REEP3: variants seen among roughly 807,000 people sequenced by gnomAD.
REEP3 encodes receptor expression-enhancing protein 3.
REEP3 carries 20 observed loss-of-function variants against 41.3 expected under a neutral mutation model. That is an observed-to-expected ratio of 0.48 (90% CI 0.34 to 0.70). REEP3 has a LOEUF of 0.70. REEP3 is among the 30% of genes least tolerant of loss of function. The probability of loss-of-function intolerance (pLI) is 0.01; values close to 1 mark genes in which losing one functional copy is unlikely to be tolerated. For synonymous variants in REEP3, 104 were observed against 101.8 expected (o/e 1.02, Z -0.13); for missense variants, 271 against 308.8 (o/e 0.88, Z 0.92).
At chr10:63,582,518 GT>G (rs1955964123) in intron 2 of REEP3, among the ~76,000 whole-genome samples, 1 of 152,198 alleles carries the variant, frequency 6.6e-6, no homozygotes, top group African/African-American at 2.4e-5. Flanking sequence ...ATATGTTGAT[GT>G]AAACGAATAG....
intron 1 of REEP3, among the ~76,000 whole-genome samples, chr10:63,557,962 G>A (rs1955704890): frequency 6.6e-6 from 1 of 152,152 alleles, no homozygotes; most frequent in African/African-American, 2.4e-5. Context: ...CTCAAAGAAA[G>A]CTAAGCATTG....
At chr10:63,583,360 A>C (rs1344689964) in intron 2 of REEP3, among the ~76,000 whole-genome samples, 2 of 152,156 alleles carry the variant, frequency 1.3e-5, no homozygotes, top group Non-Finnish European at 2.9e-5. Flanking sequence ...TATAAGGGCC[A>C]GTTCTTGACA....
chr10:63,550,811 A>G (rs1955622399), intron 1 of REEP3, among the ~76,000 whole-genome samples: 1 of 152,224 alleles, frequency 6.6e-6, no homozygotes, highest in South Asian at 2.1e-4. Context: ...TCAAAAGAAA[A>G]TAAATAAGCT....
chr10:63,553,874 G>A (rs564280719), intron 1 of REEP3, among the ~76,000 whole-genome samples: 7 of 152,046 alleles, frequency 4.6e-5, no homozygotes, highest in South Asian at 4.1e-4. Context: ...AGGCCGAGGC[G>A]GTTGGATCAC....
intron 1 of REEP3, among the ~76,000 whole-genome samples, chr10:63,564,063 T>A (rs910034500): frequency 1.3e-5 from 2 of 152,126 alleles, no homozygotes; most frequent in African/African-American, 4.8e-5. Context: ...GAAACCTAAA[T>A]AAAGTATAAA....
Position 63,566,367 on chromosome 10 carries a change from A to C in REEP3, c.62A>C (p.Tyr21Ser), listed in dbSNP as rs1039192013. The C allele has an allele frequency of 3.9e-6, 6 of 1,553,726 alleles. No homozygotes were observed. Among genetic ancestry groups the C allele is most frequent in the Non-Finnish European group, 5.2e-6 (6 of 1,145,632 alleles). The stretch of plus-strand genomic sequence containing the variant: ...GTGTTTGGAATGCTTTATCCTGCAT[A>C]TTATTCATACAAAGCTGTGAAAACA... ...VLVFGMLYPA[Y>S]YSYKAVKTKN... The change falls in exon 2 of 8, where the codon TAT (tyrosine) becomes TCT (serine). Residue 21 changes from tyrosine (Y) to serine (S), a missense_variant. Tyr to Ser is a moderately radical substitution (Grantham distance 144, BLOSUM62 -2). Coordinates refer to ENST00000373758, the MANE Select transcript of REEP3 (RefSeq NM_001001330.3).
At chr10:63,550,488 G>A (rs1955618151) in intron 1 of REEP3, among the ~76,000 whole-genome samples, 2 of 152,158 alleles carry the variant, frequency 1.3e-5, no homozygotes, top group South Asian at 4.1e-4. Context: ...TTACAGCTCA[G>A]TTCTTAAGGT....
intron 3 of REEP3, among the ~76,000 whole-genome samples, chr10:63,597,047 TC>T (rs2133408978): frequency 6.6e-6 from 1 of 152,224 alleles, no homozygotes; most frequent in South Asian, 2.1e-4. Flanking sequence ...CGAAGGGTGT[TC>T]TAAAGCTTCT....
intron 2 of REEP3, among the ~76,000 whole-genome samples, chr10:63,589,578 T>A (rs1352992876): frequency 6.6e-6 from 1 of 152,064 alleles, no homozygotes; most frequent in Non-Finnish European, 1.5e-5. Context: ...CCAGGAAGCC[T>A]TTTCCTCCCC....
chr10:63,583,042 G>C (rs969519090), intron 2 of REEP3, among the ~76,000 whole-genome samples: 7 of 152,096 alleles, frequency 4.6e-5, no homozygotes, highest in Admixed American at 1.3e-4. Flanking sequence ...CTGGAGTGCA[G>C]TGGCACGATC....
At chr10:63,575,756 G>T (rs868047312) in intron 2 of REEP3, among the ~76,000 whole-genome samples, 1 of 151,808 alleles carries the variant, frequency 6.6e-6, no homozygotes, top group South Asian at 2.1e-4. Context: ...TTTTTGAGGC[G>T]GTGTTTTGCT....
intron 1 of REEP3, among the ~76,000 whole-genome samples, chr10:63,528,904 T>A (rs1310639770): frequency 6.6e-6 from 1 of 152,260 alleles, no homozygotes; most frequent in East Asian, 1.9e-4. Flanking sequence ...CGCTCCGTTG[T>A]CTGTAGTATT....
intron 6 of REEP3, among the ~76,000 whole-genome samples, chr10:63,618,636 C>G (rs1161161770): frequency 6.6e-6 from 1 of 152,216 alleles, no homozygotes; most frequent in African/African-American, 2.4e-5. Context: ...CTTGCTGTCT[C>G]CAGCATCCTC....
At chr10:63,620,543 C>T (rs898088029) in intron 7 of REEP3, among the ~76,000 whole-genome samples, 4 of 152,126 alleles carry the variant, frequency 2.6e-5, no homozygotes, top group Admixed American at 2.0e-4. Flanking sequence ...TCATTATAAT[C>T]AATGTTCATT....
chr10:63,612,421 C>G (rs1248260821), intron 6 of REEP3, among the ~76,000 whole-genome samples: 2 of 152,092 alleles, frequency 1.3e-5, no homozygotes, highest in Non-Finnish European at 2.9e-5. Context: ...GTCTGTGTGT[C>G]TTGGCCTCCC....
At chr10:63,616,023 AC>A (rs752098661) in intron 6 of REEP3, among the ~76,000 whole-genome samples, 1 of 152,178 alleles carries the variant, frequency 6.6e-6, no homozygotes, top group Non-Finnish European at 1.5e-5. Flanking sequence ...AGAATATTTT[AC>A]AAAACCCAAC....
chr10:63,562,740 C>A, intron 1 of REEP3: 1 of 411,376 alleles, frequency 2.4e-6, no homozygotes. Flanking sequence ...TATAAATGAA[C>A]TAAAAATATG....
At chr10:63,609,782 T>C (rs1004308704) in intron 5 of REEP3, among the ~76,000 whole-genome samples, 1 of 151,772 alleles carries the variant, frequency 6.6e-6, no homozygotes, top group Non-Finnish European at 1.5e-5. Flanking sequence ...TAAATAAATA[T>C]AAATAAATAA....
chr10:63,564,203 C>A (rs552629698), intron 1 of REEP3, among the ~76,000 whole-genome samples: 5 of 152,254 alleles, frequency 3.3e-5, no homozygotes, highest in Admixed American at 2.0e-4. Flanking sequence ...ATCTTTCCAA[C>A]TTTTCTGTAA....
Sources: gnomAD v4.1 joint callset for allele counts (sites outside exome capture counted in the v4.1 genomes callset) on GRCh38, gnomAD v4.1.1 for gene constraint, MANE v1.5 for transcripts, NCBI Gene and HGNC (gene_info 2026-07-23, HGNC 2026-07-21) for gene names.